Variants in DNAH12 observed in about 807,000 individuals in gnomAD.
DNAH12 encodes the protein dynein axonemal heavy chain 12.
A neutral mutation model predicts 371.5 loss-of-function variants in DNAH12; 285 were observed. That is an observed-to-expected ratio of 0.77 (90% CI 0.70 to 0.85). The LOEUF (loss-of-function observed/expected upper bound fraction) is 0.85. Ranked by LOEUF, DNAH12 falls within the 40% of genes least tolerant of loss-of-function variation. DNAH12 has a pLI of 0.00. For synonymous variants in DNAH12, 1,200 were observed against 1,213.0 expected, an observed-to-expected ratio of 0.99 and a Z score of 0.22; for missense variants, 3,611 against 3,689.4, an observed-to-expected ratio of 0.98 and a Z score of 0.55.
In DNAH12 at chr3:57,433,364, T is replaced by C; in HGVS notation, c.4980+3A>G. ...ATCTGCTTCTCTTTTGATCATGATT[T>C]ACCTTTTTATTATCATCCAATACTG... On this transcript the variant is annotated splice_donor_region_variant and intron_variant, in intron 32 of 73. Transcript: ENST00000495027. 1 of 1,548,596 alleles carries C rather than the reference T, an allele frequency of 6.5e-7. No individual in the cohort carries two copies. The highest frequency in any genetic ancestry group is 8.7e-7 in the Non-Finnish European group (1 of 1,146,064).
At chr3:57,473,990 A>G (rs1340159349) in intron 13 of DNAH12, among the ~76,000 whole-genome samples, 1 of 152,164 alleles carries the variant, frequency 6.6e-6, no homozygotes, top group Non-Finnish European at 1.5e-5. Flanking sequence ...CTAATCTGGC[A>G]AAAGTACCTG....
intron 13 of DNAH12, among the ~76,000 whole-genome samples, chr3:57,479,240 T>C (rs536472034): frequency 1.3e-5 from 2 of 151,434 alleles, no homozygotes; most frequent in Non-Finnish European, 2.9e-5. Flanking sequence ...ACCAAGCAAA[T>C]GGAAAACAAA....
Position 57,403,398 on chromosome 3 carries a change from G to A in DNAH12, c.6859C>T (p.Arg2287Cys), listed in dbSNP as rs782742825. 13 of 1,551,368 alleles carry A rather than the reference G, an allele frequency of 8.4e-6. No individual in the cohort carries two copies. Among genetic ancestry groups the A allele is most frequent in the East Asian group, 2.4e-5 (1 of 40,904 alleles). ...ATTTTTGCCATGGATGTAGCCAGAC[G>A]AGTTAAAGATTGACGACCACTTCCT... ...LGGSGRQSLTRLATSMAKMHI... is the reference protein window; with the variant it reads ...LGGSGRQSLTCLATSMAKMHI... Residue 2287 changes from arginine to cysteine, a missense_variant, in exon 43 of 74, where the codon CGT (arginine) becomes TGT (cysteine). Coordinates refer to ENST00000495027, the MANE Select transcript of DNAH12 (RefSeq NM_001366028.2).
chr3:57,296,262 C>CT (rs1171114155), intron 72 of DNAH12, 82 bp downstream of exon 72: 902 of 1,115,854 alleles, frequency 8.1e-4, no homozygotes, highest in South Asian at 1.1e-3. Flanking sequence ...TAAAAGAGGA[C>CT]TTTTTTTTTA....
intron 62 of DNAH12, among the ~76,000 whole-genome samples, chr3:57,329,928 A>G (rs1487840368): frequency 6.6e-6 from 1 of 152,216 alleles, no homozygotes; most frequent in Non-Finnish European, 1.5e-5. Context: ...TTCTCAAAAG[A>G]AGACATTTAT....
chr3:57,325,003 C>A (rs1037600070), intron 62 of DNAH12, among the ~76,000 whole-genome samples: 4 of 152,372 alleles, frequency 2.6e-5, no homozygotes, highest in Middle Eastern at 3.4e-3. Flanking sequence ...TGCAAGGCGG[C>A]AGCGAGGCTG....
chr3:57,312,060 G>T (rs2061594078), intron 66 of DNAH12, among the ~76,000 whole-genome samples: 1 of 152,116 alleles, frequency 6.6e-6, no homozygotes, highest in African/African-American at 2.4e-5. Flanking sequence ...GATAGTATGT[G>T]TATTGGGATG....
At chr3:57,364,307 A>G (rs2063000642) in intron 57 of DNAH12, among the ~76,000 whole-genome samples, 2 of 152,150 alleles carry the variant, frequency 1.3e-5, no homozygotes, top group Admixed American at 6.6e-5. Context: ...ATGGTTCCAT[A>G]TTGGACACTC....
chr3:57,450,832 C>G (rs529365477), intron 25 of DNAH12, among the ~76,000 whole-genome samples: 2 of 152,296 alleles, frequency 1.3e-5, no homozygotes, highest in South Asian at 2.1e-4. Context: ...AGCCCCTTTA[C>G]CCAGCCATTG....
chr3:57,436,836 G>C (rs552058836), intron 30 of DNAH12, 115 bp downstream of exon 30: 2 of 656,226 alleles, frequency 3.0e-6, no homozygotes, highest in African/African-American at 1.9e-5. Flanking sequence ...GGGGGCGGGC[G>C]GGGGTTGCTC....
chr3:57,354,221 T>C (rs1159399341), intron 59 of DNAH12, among the ~76,000 whole-genome samples: 3 of 152,104 alleles, frequency 2.0e-5, no homozygotes, highest in African/African-American at 7.2e-5. Flanking sequence ...CCTTTGGAGC[T>C]GGAGACCATT....
chr3:57,312,483 G>A (rs1435969696), intron 66 of DNAH12, among the ~76,000 whole-genome samples: 1 of 152,188 alleles, frequency 6.6e-6, no homozygotes, highest in Admixed American at 6.5e-5. Context: ...TTTCTGATTT[G>A]CCTTTTGGAG....
chr3:57,522,960 A>C (rs1330668689), intron 4 of DNAH12, among the ~76,000 whole-genome samples: 1 of 152,044 alleles, frequency 6.6e-6, no homozygotes, highest in Non-Finnish European at 1.5e-5. Context: ...TTATTACCCT[A>C]ATGAAAAAGA....
Position 57,523,609 on chromosome 3 carries a change from T to C in DNAH12, c.253A>G (p.Met85Val). 1 of 1,576,526 alleles carries C rather than the reference T, an allele frequency of 6.3e-7. No homozygotes were observed. The highest frequency in any genetic ancestry group is 1.2e-5 in the South Asian group (1 of 82,120). The change falls in exon 4 of 74, where the codon ATG becomes GTG. Residue 85 changes from methionine (M) to valine (V), a missense_variant and splice_region_variant. Around this residue, in one of 3 missense-constraint regions of DNAH12, gnomAD observed 1,314 missense variants for 1,398.7 expected, o/e 0.94. Transcript: ENST00000495027. ...CCTTTTTTTTTCATTTCACTGGTCA[T>C]CTGTCAAAAACAAACAGGATATAAT... is the stretch of plus-strand genomic sequence containing the variant. ...LLPPPDYPQT[M>V]TSEMKKKGFN...
chr3:57,548,290 T>C (rs964327536), upstream of DNAH12, among the ~76,000 whole-genome samples: 4 of 152,222 alleles, frequency 2.6e-5, no homozygotes, highest in Admixed American at 1.3e-4. Flanking sequence ...TACGTCTCTC[T>C]TAGGCTTCCA....
chr3:57,304,931 A>G lies in DNAH12; in HGVS notation c.11190-2992T>C, dbSNP rs1226189056. On this transcript the variant is annotated intron_variant, in intron 69 of 73. Coordinates refer to ENST00000495027, the MANE Select transcript of DNAH12 (RefSeq NM_001366028.2). ...TGGGCTTGCCTCCTTCACCATGGGC[A>G]GCCTTCCACCCTCCATTCCTCCTTT... Among the ~76,000 whole-genome samples, 18 of 151,518 alleles carry G rather than the reference A, an allele frequency of 1.2e-4. No homozygotes were observed. The East Asian group carries it at 2.9e-3, about 25-fold the overall frequency.
chr3:57,381,204 C>CT (rs1464074688), intron 50 of DNAH12, among the ~76,000 whole-genome samples: 7 of 150,408 alleles, frequency 4.7e-5, no homozygotes, highest in Non-Finnish European at 7.4e-5. Flanking sequence ...GCTGAAAGTT[C>CT]TTTTTTTCTA....
chr3:57,511,601 G>A (rs2068001524), intron 4 of DNAH12, among the ~76,000 whole-genome samples: 1 of 152,132 alleles, frequency 6.6e-6, no homozygotes, highest in Non-Finnish European at 1.5e-5. Context: ...TAAAGTTCAT[G>A]TGGAAAAATA....
intron 44 of DNAH12, among the ~76,000 whole-genome samples, chr3:57,392,899 G>A (rs973410816): frequency 6.6e-6 from 1 of 152,112 alleles, no homozygotes; most frequent in Non-Finnish European, 1.5e-5. Context: ...TATGGAGGAT[G>A]CATTTCTCCT....
Sources: allele counts gnomAD v4.1 joint callset (sites outside exome capture counted in the v4.1 genomes callset), GRCh38; gene constraint gnomAD v4.1.1; regional missense constraint gnomAD v4.1.1; transcripts MANE v1.5; gene names NCBI Gene and HGNC (gene_info 2026-07-23, HGNC 2026-07-21).